Variants in EPHB1 observed in about 807,000 individuals in gnomAD.
EPHB1 encodes EPH receptor B1.
In EPHB1, 30 loss-of-function variants were observed where a neutral mutation model predicts 94.4. The observed-to-expected ratio is 0.32, with a 90% CI of 0.24 to 0.43. The LOEUF (loss-of-function observed/expected upper bound fraction) is 0.43. EPHB1 is among the 20% of genes least tolerant of loss of function. The pLI is 1.00. For synonymous variants in EPHB1, 522 were observed against 489.1 expected, an observed-to-expected ratio of 1.07 and a Z score of -0.89; for missense variants, 1,055 against 1,308.3, an observed-to-expected ratio of 0.81 and a Z score of 2.99.
chr3:135,074,919 G>A (rs1317389420), intron 3 of EPHB1, among the ~76,000 whole-genome samples: 3 of 152,310 alleles, frequency 2.0e-5, no homozygotes, highest in Middle Eastern at 3.4e-3. Flanking sequence ...AGGCCAGGGT[G>A]AGAGCCTACC....
At chr3:135,154,479 A>G (rs1941292027) in intron 6 of EPHB1, 2 of 597,180 alleles carry the variant, frequency 3.3e-6, no homozygotes, top group Non-Finnish European at 5.5e-6. Flanking sequence ...GTGCCAACTA[A>G]GGAGAGAAAC....
At chr3:135,194,364 A>C (rs2107710670) in intron 11 of EPHB1, among the ~76,000 whole-genome samples, 1 of 152,354 alleles carries the variant, frequency 6.6e-6, no homozygotes, top group South Asian at 2.1e-4. Context: ...CAGATGTAGT[A>C]AGTGAAGAAG....
At chr3:135,068,367 C>A (rs1198959486) in intron 3 of EPHB1, among the ~76,000 whole-genome samples, 3 of 152,140 alleles carry the variant, frequency 2.0e-5, no homozygotes, top group African/African-American at 7.2e-5. Flanking sequence ...ATAGCCTTCC[C>A]TGTAGGTATG....
At chr3:135,152,733 A>G (rs12492126) in intron 5 of EPHB1, among the ~76,000 whole-genome samples, 51,198 of 152,058 alleles carry the variant, frequency 0.34, 9,266 homozygotes, top group Middle Eastern at 0.47. Flanking sequence ...TGGGTCTGCC[A>G]TGGCATCCCT....
intron 15 of EPHB1, among the ~76,000 whole-genome samples, chr3:135,252,316 T>C (rs1268772157): frequency 6.6e-6 from 1 of 150,444 alleles, no homozygotes; most frequent in East Asian, 1.9e-4. Flanking sequence ...CTGCACCCAC[T>C]AACTCGTCAT....
At chr3:134,849,525 G>A (rs1370209489) in intron 1 of EPHB1, among the ~76,000 whole-genome samples, 1 of 152,128 alleles carries the variant, frequency 6.6e-6, no homozygotes, top group Non-Finnish European at 1.5e-5. Flanking sequence ...AGGGTGTTTG[G>A]CTTACGAGCA....
At chr3:134,797,054 G>T (rs1248698743) in intron 1 of EPHB1, among the ~76,000 whole-genome samples, 1 of 152,210 alleles carries the variant, frequency 6.6e-6, no homozygotes, top group Non-Finnish European at 1.5e-5. Context: ...CCCTTTTGGC[G>T]AAGACCACCG....
At chr3:135,069,461 G>C (rs773130162) in intron 3 of EPHB1, among the ~76,000 whole-genome samples, 10 of 152,112 alleles carry the variant, frequency 6.6e-5, no homozygotes, top group Non-Finnish European at 1.2e-4. Flanking sequence ...AGTAGGTACT[G>C]ATGGGAGCTG....
intron 1 of EPHB1, among the ~76,000 whole-genome samples, chr3:134,822,792 T>C (rs939253581): frequency 2.6e-5 from 4 of 152,110 alleles, no homozygotes; most frequent in African/African-American, 9.7e-5. Context: ...TTGGAAGAGA[T>C]TTGTGTCTTT....
intron 12 of EPHB1, among the ~76,000 whole-genome samples, chr3:135,222,028 T>G (rs1334089997): frequency 6.6e-6 from 1 of 152,166 alleles, no homozygotes; most frequent in East Asian, 1.9e-4. Flanking sequence ...TAATATAAAA[T>G]TTCACCAATG....
At chr3:134,955,022 G>A (rs1005134673) in intron 3 of EPHB1, among the ~76,000 whole-genome samples, 28 of 135,720 alleles carry the variant, frequency 2.1e-4, no homozygotes, top group African/African-American at 7.0e-4. Context: ...AGCGGCTCAT[G>A]CATTTTCTAG....
chr3:134,927,694 T>C (rs145357803), intron 2 of EPHB1, among the ~76,000 whole-genome samples: 2 of 152,374 alleles, frequency 1.3e-5, no homozygotes, highest in East Asian at 3.9e-4. Flanking sequence ...CCAAGGAAGA[T>C]TCTCCTTGAG....
chr3:134,877,899 C>G (rs887803008), intron 1 of EPHB1, among the ~76,000 whole-genome samples: 3 of 152,220 alleles, frequency 2.0e-5, no homozygotes, highest in African/African-American at 7.2e-5. Flanking sequence ...GAGGAGTCCT[C>G]TTCCACTGAG....
At position 134,943,517 on chromosome 3, in the gene EPHB1, G is replaced by A. The variant is rs1271065866; in HGVS notation, c.124-7854G>A. On this transcript the variant is annotated intron_variant, in intron 2 of 15. Transcript: ENST00000398015. ...ATGGCACATTGTGGTGATGAAGTGG[G>A]TGTGTTGAACTTGGGGAGCATTTTT... Among the ~76,000 whole-genome samples the A allele has an allele frequency of 4.6e-5, 7 of 152,312 alleles. No individual in the cohort carries two copies. The East Asian group carries it at 1.4e-3, about 29-fold the overall frequency.
chr3:134,934,432 G>A (rs1238906155), intron 2 of EPHB1, among the ~76,000 whole-genome samples: 2 of 152,128 alleles, frequency 1.3e-5, no homozygotes, highest in Non-Finnish European at 2.9e-5. Context: ...CCAGGGCCGT[G>A]CGTGGGTGGA....
At chr3:135,088,111 A>C (rs913935612) in intron 3 of EPHB1, among the ~76,000 whole-genome samples, 3 of 152,138 alleles carry the variant, frequency 2.0e-5, no homozygotes, top group Non-Finnish European at 4.4e-5. Flanking sequence ...AAAGATATTC[A>C]TCTTGTCCCT....
intron 1 of EPHB1, among the ~76,000 whole-genome samples, chr3:134,833,811 C>T (rs1281128774): frequency 2.6e-5 from 4 of 152,176 alleles, no homozygotes; most frequent in Admixed American, 6.5e-5. Context: ...CAGAGGGTCA[C>T]CCAGCATGGT....
chr3:135,129,218 G>GTGGGGT (rs1940327870), intron 4 of EPHB1, among the ~76,000 whole-genome samples: 1 of 149,458 alleles, frequency 6.7e-6, no homozygotes, highest in Non-Finnish European at 1.5e-5. Flanking sequence ...GGGGGTGGGG[G>GTGGGGT]AGGAAACTCA....
chr3:134,879,755 G>T (rs2037690590), intron 1 of EPHB1, among the ~76,000 whole-genome samples: 1 of 152,098 alleles, frequency 6.6e-6, no homozygotes, highest in African/African-American at 2.4e-5. Context: ...GATAAGACAG[G>T]TCTGTAGTGT....
Sources: allele counts gnomAD v4.1 joint callset (sites outside exome capture counted in the v4.1 genomes callset), GRCh38; gene constraint gnomAD v4.1.1; transcripts MANE v1.5; gene names NCBI Gene and HGNC (gene_info 2026-07-23, HGNC 2026-07-21).